THSD7B: variants seen among roughly 807,000 people sequenced by gnomAD.
The protein encoded by THSD7B is thrombospondin type 1 domain containing 7B, also known as thrombospondin type-1 domain-containing protein 7B.
Under a neutral mutation model 213.6 loss-of-function variants are expected in THSD7B, and 138 were observed. The observed-to-expected ratio is 0.65, with a 90% CI of 0.56 to 0.74. THSD7B has a LOEUF of 0.74. THSD7B is among the 30% of genes least tolerant of loss of function. The pLI is 0.00. For synonymous variants in THSD7B, 742 were observed against 687.0 expected (o/e 1.08, Z -1.25); for missense variants, 1,931 against 1,991.5 (o/e 0.97, Z 0.58).
In THSD7B at chr2:137,555,065, C is replaced by T. The variant is rs1680928654; in HGVS notation, c.3139-8156C>T. 3.9e-5 allele frequency among the ~76,000 whole-genome samples: 6 copies of T among 152,190 alleles called. No homozygotes were observed. In the South Asian group the frequency reaches 1.0e-3, roughly 26 times the overall value. On this transcript the variant is annotated intron_variant, in intron 15 of 27. Transcript: ENST00000409968. ...ACTGGGAAGCTCAAACTGGGTGGAG[C>T]CCACTGCAGTTCAAGGAGGCCTGCC...
intron 15 of THSD7B, among the ~76,000 whole-genome samples, chr2:137,540,881 A>G (rs1416024368): frequency 6.6e-6 from 1 of 151,738 alleles, no homozygotes; most frequent in Non-Finnish European, 1.5e-5. Flanking sequence ...GAATTAAAAG[A>G]GCATGCAAGT....
Position 137,490,523 on chromosome 2 carries a change from C to T in THSD7B, c.3138+39500C>T, listed in dbSNP as rs141883905. Among the ~76,000 whole-genome samples, 1,035 of 152,208 alleles carry T rather than the reference C, an allele frequency of 6.8e-3. 9 individuals are homozygous for T. The highest frequency in any genetic ancestry group is 0.024 in the African/African-American group (979 of 41,538). ...GAAGGTACAGAGATTTCCCATATAG[C>T]CTCAGCCCCTGCACATACATCATGG... On this transcript the variant is annotated intron_variant, in intron 15 of 27. Coordinates refer to ENST00000409968, the MANE Select transcript of THSD7B (RefSeq NM_001316349.2).
intron 2 of THSD7B, among the ~76,000 whole-genome samples, chr2:137,005,971 T>C (rs1327328057): frequency 6.6e-6 from 1 of 152,192 alleles, no homozygotes; most frequent in Non-Finnish European, 1.5e-5. Context: ...CTTTTCAAAT[T>C]ATCAAGAGGA....
chr2:137,433,910 C>A (rs1687238557), intron 14 of THSD7B, among the ~76,000 whole-genome samples: 2 of 152,178 alleles, frequency 1.3e-5, no homozygotes, highest in African/African-American at 4.8e-5. Flanking sequence ...TAATGCAGAA[C>A]TGCACTTTTA....
chr2:136,996,900 G>A (rs557375100), intron 2 of THSD7B, among the ~76,000 whole-genome samples: 2 of 152,266 alleles, frequency 1.3e-5, no homozygotes, highest in Non-Finnish European at 2.9e-5. Context: ...ATAAACTGCT[G>A]TGGACTACAG....
At chr2:136,823,093 G>A (rs1235370416) in intron 1 of THSD7B, among the ~76,000 whole-genome samples, 1 of 152,192 alleles carries the variant, frequency 6.6e-6, no homozygotes, top group Non-Finnish European at 1.5e-5. Flanking sequence ...TTTCTGGTTA[G>A]TTGGTTGGTT....
At chr2:136,925,669 G>A (rs1684511289) in intron 2 of THSD7B, among the ~76,000 whole-genome samples, 1 of 152,160 alleles carries the variant, frequency 6.6e-6, no homozygotes, top group Non-Finnish European at 1.5e-5. Context: ...TTTGGGATCA[G>A]AGTAATACTG....
intron 4 of THSD7B, among the ~76,000 whole-genome samples, chr2:137,103,111 G>C (rs1255780682): frequency 6.6e-6 from 1 of 152,146 alleles, no homozygotes; most frequent in Non-Finnish European, 1.5e-5. Flanking sequence ...TGAAATGAAG[G>C]AAAAAATGTT....
At chr2:137,341,828 G>T (rs562751160) in intron 12 of THSD7B, among the ~76,000 whole-genome samples, 1 of 151,634 alleles carries the variant, frequency 6.6e-6, no homozygotes, top group East Asian at 1.9e-4. Flanking sequence ...TGGTTAATGT[G>T]TCTTTCTTTT....
At chr2:137,496,662 T>C (rs1679576144) in intron 15 of THSD7B, among the ~76,000 whole-genome samples, 1 of 152,240 alleles carries the variant, frequency 6.6e-6, no homozygotes, top group Non-Finnish European at 1.5e-5. Context: ...CATAAATCTC[T>C]GATCCATTTA....
chr2:136,844,205 G>C (rs112694970), intron 1 of THSD7B, among the ~76,000 whole-genome samples: 2 of 152,098 alleles, frequency 1.3e-5, no homozygotes, highest in Non-Finnish European at 2.9e-5. Context: ...TAACACAGGG[G>C]TTAACGTAGG....
intron 5 of THSD7B, among the ~76,000 whole-genome samples, chr2:137,122,092 G>A (rs1173712668): frequency 6.6e-6 from 1 of 152,138 alleles, no homozygotes; most frequent in African/African-American, 2.4e-5. Context: ...GACTGAAATG[G>A]GGGATTTGCC....
intron 12 of THSD7B, among the ~76,000 whole-genome samples, chr2:137,321,640 A>G (rs576871848): frequency 6.6e-5 from 10 of 152,340 alleles, no homozygotes; most frequent in South Asian, 2.1e-4. Context: ...GGTAATCTCA[A>G]TGTGTAAAGT....
chr2:137,542,007 AAAAG>A (rs1396688066), intron 15 of THSD7B, among the ~76,000 whole-genome samples: 5 of 151,646 alleles, frequency 3.3e-5, no homozygotes, highest in African/African-American at 1.2e-4. Flanking sequence ...GTCCCGGAAA[AAAAG>A]AGGAGAGATG....
intron 12 of THSD7B, among the ~76,000 whole-genome samples, chr2:137,317,117 T>C (rs192584163): frequency 2.6e-5 from 4 of 152,256 alleles, no homozygotes; most frequent in Admixed American, 1.3e-4. Context: ...TGGAGACAAA[T>C]TTTTTGTATA....
chr2:137,114,502 G>C (rs951539099), intron 4 of THSD7B, among the ~76,000 whole-genome samples: 1 of 152,142 alleles, frequency 6.6e-6, no homozygotes, highest in Non-Finnish European at 1.5e-5. Context: ...TTCTATATCA[G>C]TTTATATAAC....
At chr2:137,023,362 G>C (rs1053019130) in intron 2 of THSD7B, among the ~76,000 whole-genome samples, 12 of 152,078 alleles carry the variant, frequency 7.9e-5, no homozygotes, top group African/African-American at 2.9e-4. Context: ...TAGCTTCCAG[G>C]GTTTCTCTTT....
chr2:137,526,058 GT>G (rs1189547979), intron 15 of THSD7B, among the ~76,000 whole-genome samples: 1 of 151,978 alleles, frequency 6.6e-6, no homozygotes, highest in African/African-American at 2.4e-5. Context: ...CAGCCACTTG[GT>G]TTGTTATCTC....
rs148510673 is a variant in THSD7B at position 136,779,305 on chromosome 2, T to C, written c.-36+13618T>C. Among the ~76,000 whole-genome samples the C allele has an allele frequency of 2.1e-3, 319 of 152,060 alleles. 1 individual carries two copies. The highest frequency in any genetic ancestry group is 6.8e-3 in the African/African-American group (282 of 41,466). Reference sequence around the variant, plus strand: ...CTTATAATATTTATAAAGTTTTTCCTTTGGGAAATATGTCCAATTTATGAC... The same window carrying C: ...CTTATAATATTTATAAAGTTTTTCCCTTGGGAAATATGTCCAATTTATGAC... On this transcript the variant is annotated intron_variant, in intron 1 of 27. Coordinates refer to ENST00000409968, the MANE Select transcript of THSD7B (RefSeq NM_001316349.2).
Sources: allele counts gnomAD v4.1 joint callset (sites outside exome capture counted in the v4.1 genomes callset), GRCh38; gene constraint gnomAD v4.1.1; transcripts MANE v1.5; gene names NCBI Gene and HGNC (gene_info 2026-07-23, HGNC 2026-07-21).